The following MAPK4 variants were observed in gnomAD, a reference collection of about 807,000 sequenced individuals.
The protein encoded by MAPK4 is mitogen-activated protein kinase 4.
MAPK4 carries 22 observed loss-of-function variants against 47.7 expected under a neutral mutation model. The ratio of observed to expected loss-of-function variants is 0.46; its 90% CI spans 0.33 to 0.66. MAPK4 has a LOEUF of 0.66. Among genes scored for constraint, MAPK4 ranks in the 30% least tolerant of loss-of-function variants. The pLI is 0.02. For missense variants in MAPK4, 736 were observed against 831.7 expected (o/e 0.88, Z 1.42); for synonymous variants, 390 against 365.7 (o/e 1.07, Z -0.76).
chr18:50,609,863 T>A (rs1320585069), intron 1 of MAPK4, among the ~76,000 whole-genome samples: 1 of 152,082 alleles, frequency 6.6e-6, no homozygotes, highest in Non-Finnish European at 1.5e-5. Context: ...GACAGAAAAA[T>A]TAAGATCTTG....
intron 1 of MAPK4, among the ~76,000 whole-genome samples, chr18:50,562,472 A>C (rs981835185): frequency 6.6e-6 from 1 of 150,848 alleles, no homozygotes; most frequent in African/African-American, 2.4e-5. Flanking sequence ...CAATAGGGGA[A>C]GGGAGAGGGA....
At chr18:50,609,326 G>A (rs1393533679) in intron 1 of MAPK4, among the ~76,000 whole-genome samples, 1 of 151,186 alleles carries the variant, frequency 6.6e-6, no homozygotes, top group Non-Finnish European at 1.5e-5. Flanking sequence ...CTCCCGGGCG[G>A]GGCGGCGGCC....
In MAPK4 at chr18:50,664,075, C is replaced by T; in HGVS notation, c.117C>T (p.Asp39=). Residue 39 remains aspartate, a synonymous_variant, in exon 2 of 6, where the codon GAC becomes GAT. Coordinates refer to ENST00000400384, the MANE Select transcript of MAPK4 (RefSeq NM_002747.4). The surrounding 1 kb of genome is among the most constrained non-coding windows in gnomAD (Gnocchi z 6.0). ...GVNGLVLSAV[D]SRACRKVAVK... ...ATGGTTTGGTGCTGTCGGCCGTGGACAGCCGGGCCTGCCGGAAGGTCGCTG... is the reference window on the plus strand; with the variant it reads ...ATGGTTTGGTGCTGTCGGCCGTGGATAGCCGGGCCTGCCGGAAGGTCGCTG... 6.2e-7 allele frequency: 1 copy of T among 1,613,970 alleles called. No individual in the cohort carries two copies. The highest frequency in any genetic ancestry group is 1.3e-5 in the African/African-American group (1 of 75,048).
At chr18:50,650,360 T>C (rs1287350938) in intron 1 of MAPK4, among the ~76,000 whole-genome samples, 1 of 148,910 alleles carries the variant, frequency 6.7e-6, no homozygotes, top group African/African-American at 2.5e-5. Flanking sequence ...TCTTTTCCTC[T>C]CCCTAGCTCC....
At chr18:50,706,948 T>A (rs1023738577) in intron 2 of MAPK4, among the ~76,000 whole-genome samples, 1 of 152,158 alleles carries the variant, frequency 6.6e-6, no homozygotes, top group African/African-American at 2.4e-5. Context: ...TTGGACCCCA[T>A]GAGGATAATG....
chr18:50,708,461 G>T (rs201707813), intron 2 of MAPK4, among the ~76,000 whole-genome samples: 3 of 152,162 alleles, frequency 2.0e-5, no homozygotes, highest in Non-Finnish European at 2.9e-5. Context: ...GACCATCTAG[G>T]AACTTGCTGG....
At chr18:50,632,511 TTCATGTTCTG>T (rs1227730822) in intron 1 of MAPK4, among the ~76,000 whole-genome samples, 3 of 152,210 alleles carry the variant, frequency 2.0e-5, no homozygotes, top group African/African-American at 4.8e-5. Context: ...CTTGCATTCT[TTCATGTTCTG>T]TCATGTTCTG....
intron 1 of MAPK4, among the ~76,000 whole-genome samples, chr18:50,592,526 C>T (rs2042445943): frequency 6.6e-6 from 1 of 152,172 alleles, no homozygotes; most frequent in East Asian, 1.9e-4. Flanking sequence ...ATTACAACCC[C>T]CCCCGCTTGG....
At chr18:50,630,330 A>G (rs1337762743) in intron 1 of MAPK4, among the ~76,000 whole-genome samples, 2 of 152,216 alleles carry the variant, frequency 1.3e-5, no homozygotes, top group East Asian at 3.8e-4. Flanking sequence ...CTGGGATTAC[A>G]GGCGTGCACC....
chr18:50,635,289 G>A (rs957586417), intron 1 of MAPK4, among the ~76,000 whole-genome samples: 4 of 152,034 alleles, frequency 2.6e-5, no homozygotes, highest in Non-Finnish European at 5.9e-5. Flanking sequence ...ATATCTAGTA[G>A]TATGAGCCAG....
intron 1 of MAPK4, among the ~76,000 whole-genome samples, chr18:50,583,551 T>C (rs1233794728): frequency 6.6e-6 from 1 of 152,152 alleles, no homozygotes; most frequent in Non-Finnish European, 1.5e-5. Flanking sequence ...ATTGCGCCAC[T>C]GCACTCCAGC....
chr18:50,643,224 A>C, intron 1 of MAPK4, among the ~76,000 whole-genome samples: 1 of 152,240 alleles, frequency 6.6e-6, no homozygotes, highest in East Asian at 1.9e-4. Context: ...ATTTAAAAAC[A>C]ATTCCCAGCC....
intron 1 of MAPK4, among the ~76,000 whole-genome samples, chr18:50,613,798 A>G (rs899015720): frequency 1.3e-5 from 2 of 152,202 alleles, no homozygotes; most frequent in East Asian, 1.9e-4. Context: ...CTTTTATACT[A>G]TTGTGGGCTC....
chr18:50,614,834 A>T (rs2149379165), intron 1 of MAPK4, among the ~76,000 whole-genome samples: 1 of 152,338 alleles, frequency 6.6e-6, no homozygotes, highest in Middle Eastern at 3.4e-3. Context: ...AATAGAATCA[A>T]GAAAATGAGG....
chr18:50,704,622 T>C (rs1909954887), intron 2 of MAPK4: 1 of 398,666 alleles, frequency 2.5e-6, no homozygotes, highest in East Asian at 3.6e-5. Context: ...TTCTGAGCGT[T>C]CTCTGCAAGT....
At chr18:50,698,623 A>G (rs1392260732) in intron 2 of MAPK4, among the ~76,000 whole-genome samples, 2 of 152,232 alleles carry the variant, frequency 1.3e-5, no homozygotes, top group Non-Finnish European at 2.9e-5. Flanking sequence ...TCCCTGCATT[A>G]TAGCCTTGGT....
Position 50,724,330 on chromosome 18 carries a change from T to A in MAPK4, c.854-1632T>A, listed in dbSNP as rs547244294. ...TCCCAAAGTCCTGGGATTACAGATA[T>A]GAGCCACTGCCCCAGTGGTGGTACT... On this transcript the variant is annotated intron_variant, in intron 4 of 5. Coordinates refer to ENST00000400384, the MANE Select transcript of MAPK4 (RefSeq NM_002747.4). 8.7e-4 allele frequency among the ~76,000 whole-genome samples: 133 copies of A among 152,324 alleles called. 1 individual carries two copies. Among genetic ancestry groups the A allele is most frequent in the African/African-American group, 3.0e-3 (123 of 41,586 alleles).
chr18:50,628,039 G>A (rs1464786084), intron 1 of MAPK4, among the ~76,000 whole-genome samples: 4 of 152,162 alleles, frequency 2.6e-5, no homozygotes, highest in South Asian at 2.1e-4. Flanking sequence ...ATTGGTCTGC[G>A]TGGTGACTCC....
chr18:50,695,112 G>A (rs911641858), intron 2 of MAPK4, among the ~76,000 whole-genome samples: 7 of 152,132 alleles, frequency 4.6e-5, no homozygotes, highest in Admixed American at 1.3e-4. Context: ...TTGGGAGGCC[G>A]AAGTGGGCAG....
Sources: gnomAD v4.1 joint callset for allele counts (sites outside exome capture counted in the v4.1 genomes callset) on GRCh38, gnomAD v4.1.1 for gene constraint, Gnocchi (gnomAD v3.1) non-coding constraint, MANE v1.5 for transcripts, NCBI Gene and HGNC (gene_info 2026-07-23, HGNC 2026-07-21) for gene names.